Variants in TMEM132B observed in about 807,000 individuals in gnomAD.
TMEM132B encodes transmembrane protein 132B.
A neutral mutation model predicts 90.8 loss-of-function variants in TMEM132B; 18 were observed. That is an observed-to-expected ratio of 0.20 (90% CI 0.14 to 0.29). TMEM132B has a LOEUF of 0.29. Ranked by LOEUF, TMEM132B falls within the 10% of genes least tolerant of loss-of-function variation. The pLI is 1.00. For synonymous variants in TMEM132B, 504 were observed against 523.3 expected, an observed-to-expected ratio of 0.96 and a Z score of 0.50; for missense variants, 1,096 against 1,326.8, an observed-to-expected ratio of 0.83 and a Z score of 2.70.
intron 4 of TMEM132B, among the ~76,000 whole-genome samples, chr12:125,523,057 A>G (rs947189391): frequency 6.6e-6 from 1 of 152,186 alleles, no homozygotes; most frequent in Non-Finnish European, 1.5e-5. Flanking sequence ...TGCCGAATAT[A>G]TAGTATTTGC....
chr12:125,230,282 G>A (rs138030907), intron 1 of TMEM132B, among the ~76,000 whole-genome samples: 99 of 152,306 alleles, frequency 6.5e-4, no homozygotes, highest in African/African-American at 2.3e-3. Flanking sequence ...GTGCTTCTCA[G>A]GTTGGCGCTG....
chr12:125,538,022 G>A lies in TMEM132B; in HGVS notation c.1293+18397G>A, dbSNP rs114712232. On this transcript the variant is annotated intron_variant, in intron 4 of 8. Coordinates refer to ENST00000682704, the MANE Select transcript of TMEM132B (RefSeq NM_001366854.1). ...CCAGGCCTGCTTCCCCCACATGCACGCTCGGCTCCTATTGGCGTCAGCATT... is the reference window on the plus strand; with the variant it reads ...CCAGGCCTGCTTCCCCCACATGCACACTCGGCTCCTATTGGCGTCAGCATT... Among the ~76,000 whole-genome samples, 828 of 152,242 alleles carry A rather than the reference G, an allele frequency of 5.4e-3. 8 individuals are homozygous for A. Among genetic ancestry groups the A allele is most frequent in the African/African-American group, 0.019 (772 of 41,526 alleles).
intron 3 of TMEM132B, among the ~76,000 whole-genome samples, chr12:125,484,727 C>T (rs1882156471): frequency 6.6e-6 from 1 of 152,008 alleles, no homozygotes; most frequent in Non-Finnish European, 1.5e-5. Context: ...ATCTCCCAGG[C>T]TCAAGCAATC....
intron 3 of TMEM132B, among the ~76,000 whole-genome samples, chr12:125,440,804 A>G (rs1880849089): frequency 6.6e-6 from 1 of 152,176 alleles, no homozygotes; most frequent in Middle Eastern, 3.2e-3. Context: ...CTGACTAAAA[A>G]TACATATTTC....
In TMEM132B at chr12:125,349,444, T is replaced by C. The variant is rs768849262; in HGVS notation, c.68-8T>C. ...GGTTTTATTCTTTTGCTTTCCTTTCTTGTGCAGTGACAGAGAGTCGAGGGA... is the reference window on the plus strand; with the variant it reads ...GGTTTTATTCTTTTGCTTTCCTTTCCTGTGCAGTGACAGAGAGTCGAGGGA... On this transcript the variant is annotated splice_polypyrimidine_tract_variant and splice_region_variant and intron_variant, in intron 1 of 8. Coordinates refer to ENST00000682704, the MANE Select transcript of TMEM132B (RefSeq NM_001366854.1). The surrounding 1 kb of genome is among the most constrained non-coding windows in gnomAD (Gnocchi z 4.1). 9.4e-6 allele frequency: 15 copies of C among 1,596,126 alleles called. No homozygotes were observed. Among genetic ancestry groups the C allele is most frequent in the Middle Eastern group, 1.7e-4 (1 of 5,944 alleles).
At chr12:125,288,037 A>AT (rs1177796754) in intron 1 of TMEM132B, among the ~76,000 whole-genome samples, 1 of 151,744 alleles carries the variant, frequency 6.6e-6, no homozygotes, top group Non-Finnish European at 1.5e-5. Context: ...TGTTCAGCTA[A>AT]TTTTTTTGGT....
chr12:125,619,863 G>A (rs73220953), intron 5 of TMEM132B, among the ~76,000 whole-genome samples: 3,096 of 152,300 alleles, frequency 0.02, 59 homozygotes, highest in South Asian at 0.042. Context: ...TGAAAGGAAA[G>A]GGAGGCTTCT....
At chr12:125,474,725 G>T (rs559436829) in intron 3 of TMEM132B, among the ~76,000 whole-genome samples, 1 of 152,208 alleles carries the variant, frequency 6.6e-6, no homozygotes, top group Non-Finnish European at 1.5e-5. Context: ...ACTGACAAGC[G>T]CAGGATGGGC....
At chr12:125,466,780 C>A (rs924439233) in intron 3 of TMEM132B, among the ~76,000 whole-genome samples, 3 of 152,238 alleles carry the variant, frequency 2.0e-5, no homozygotes, top group Admixed American at 2.0e-4. Context: ...AGGTTTCCAC[C>A]AAGTGTCCAG....
At chr12:125,340,617 C>G (rs187135722) in intron 1 of TMEM132B, among the ~76,000 whole-genome samples, 3 of 152,186 alleles carry the variant, frequency 2.0e-5, no homozygotes, top group Non-Finnish European at 4.4e-5. Flanking sequence ...TAAAATATTT[C>G]TAGCCTCAGA....
chr12:125,601,857 A>G (rs1008563616), intron 5 of TMEM132B, among the ~76,000 whole-genome samples: 1 of 152,224 alleles, frequency 6.6e-6, no homozygotes, highest in African/African-American at 2.4e-5. Context: ...AAACTAGAAA[A>G]TCTGGGAGAA....
intron 1 of TMEM132B, among the ~76,000 whole-genome samples, chr12:125,275,382 G>A (rs571915590): frequency 3.0e-4 from 45 of 152,270 alleles, no homozygotes; most frequent in African/African-American, 1.1e-3. Flanking sequence ...GAAGTTATTG[G>A]TAGCACCCAT....
intron 1 of TMEM132B, among the ~76,000 whole-genome samples, chr12:125,268,667 G>A (rs989092321): frequency 6.6e-6 from 1 of 152,212 alleles, no homozygotes; most frequent in South Asian, 2.1e-4. Context: ...AGGTTCATGA[G>A]AAACTGATAA....
At chr12:125,285,235 A>T (rs956527412) in intron 1 of TMEM132B, among the ~76,000 whole-genome samples, 5 of 152,202 alleles carry the variant, frequency 3.3e-5, no homozygotes, top group Non-Finnish European at 7.3e-5. Flanking sequence ...GGGTGGAGTT[A>T]ACCTTCCTAA....
At chr12:125,622,497 C>T (rs868683153) in intron 5 of TMEM132B, 2 of 985,414 alleles carry the variant, frequency 2.0e-6, no homozygotes, top group Non-Finnish European at 2.4e-6. Context: ...AAAGGACTCA[C>T]AGTCAAGAAA....
In TMEM132B at chr12:125,658,034, A is replaced by G. The variant is rs1887110776; in HGVS notation, c.*3324A>G. On this transcript the variant is annotated 3_prime_UTR_variant, in exon 9 of 9. Transcript: ENST00000682704. ...CAAGAAGAAAAGACAATAGAAGGTT[A>G]CCCTGGAAAAACAACACCTAGCAAA... 1 of 152,264 alleles carries G rather than the reference A, an allele frequency of 6.6e-6. No homozygotes were observed. Among genetic ancestry groups the G allele is most frequent in the Admixed American group, 6.5e-5 (1 of 15,288 alleles). The allele number at this position is 152,264 out of a possible 1,614,324, so 9.4% of individuals were successfully genotyped here. A position where few individuals can be genotyped will look rare whatever the true frequency, so the allele number is the denominator to read the frequency against.
intron 1 of TMEM132B, among the ~76,000 whole-genome samples, chr12:125,192,646 A>T (rs2136050075): frequency 6.6e-6 from 1 of 152,270 alleles, no homozygotes; most frequent in Non-Finnish European, 1.5e-5. Context: ...GCCTGGCTGA[A>T]ACCTGTCCCT....
intron 3 of TMEM132B, among the ~76,000 whole-genome samples, chr12:125,441,165 G>A (rs1416317094): frequency 6.6e-6 from 1 of 152,230 alleles, no homozygotes; most frequent in Non-Finnish European, 1.5e-5. Context: ...TTTCATCAAT[G>A]TAAAGTGCTT....
chr12:125,595,649 G>A (rs1885421819), intron 5 of TMEM132B, among the ~76,000 whole-genome samples: 1 of 152,168 alleles, frequency 6.6e-6, no homozygotes, highest in African/African-American at 2.4e-5. Flanking sequence ...GCCTGACTGT[G>A]AGGATCCACA....
Sources: gnomAD v4.1 joint callset for allele counts (sites outside exome capture counted in the v4.1 genomes callset) on GRCh38, gnomAD v4.1.1 for gene constraint, Gnocchi (gnomAD v3.1) non-coding constraint, MANE v1.5 for transcripts, NCBI Gene and HGNC (gene_info 2026-07-23, HGNC 2026-07-21) for gene names.